SFI1: variants seen among roughly 807,000 people sequenced by gnomAD.
SFI1 encodes the protein SFI1 centrin binding protein.
In SFI1, 195 loss-of-function variants were observed where a neutral mutation model predicts 207.5. The ratio of observed to expected loss-of-function variants is 0.94; its 90% CI spans 0.84 to 1.06. The LOEUF (loss-of-function observed/expected upper bound fraction) is 1.06. SFI1 is among the 50% of genes least tolerant of loss of function. SFI1 has a pLI of 0.00. For synonymous variants in SFI1, 630 were observed against 598.9 expected (o/e 1.05, Z -0.76); for missense variants, 1,634 against 1,588.0 (o/e 1.03, Z -0.49).
In SFI1 at chr22:31,602,259, T is replaced by C. The variant is rs2068238651; in HGVS notation, c.1592T>C (p.Phe531Ser). 1 of 1,614,032 alleles carries C rather than the reference T, an allele frequency of 6.2e-7. No individual in the cohort carries two copies. Among genetic ancestry groups the C allele is most frequent in the Admixed American group, 1.7e-5 (1 of 60,002 alleles). Residue 531 changes from phenylalanine (F) to serine (S), a missense_variant, in exon 16 of 33, where the codon TTT (phenylalanine) becomes TCT (serine). Physicochemically the swap from Phe to Ser is radical, Grantham distance 155. Transcript: ENST00000400288. ...TTTTCTCTCTGGAGGCAGAAGATGT[T>C]TCAGCATCGAGAAAACCGCCTGGCA... ...QVFSLWRQKM[F>S]QHRENRLAER... is the part of the protein sequence containing the mutation.
intron 16 of SFI1, 149 bp from the exon 17 acceptor site, chr22:31,602,458 G>T: frequency 9.0e-7 from 1 of 1,116,958 alleles, no homozygotes; most frequent in South Asian, 1.4e-5. Context: ...TTTCTCAGTG[G>T]AGCCTACAGA....
intron 10 of SFI1, among the ~76,000 whole-genome samples, chr22:31,577,397 T>C (rs1453263660): frequency 6.6e-6 from 1 of 151,870 alleles, no homozygotes; most frequent in Non-Finnish European, 1.5e-5. Flanking sequence ...CCTCTGGAGG[T>C]TTTTTAACTT....
At chr22:31,595,265 G>A (rs2066934310) in intron 15 of SFI1, among the ~76,000 whole-genome samples, 1 of 152,168 alleles carries the variant, frequency 6.6e-6, no homozygotes, top group Admixed American at 6.5e-5. Context: ...CAAAGTGCTG[G>A]GATTACAGGC....
intron 9 of SFI1, among the ~76,000 whole-genome samples, chr22:31,574,360 C>CA (rs2063261370): frequency 6.6e-6 from 1 of 152,186 alleles, no homozygotes; most frequent in Non-Finnish European, 1.5e-5. Flanking sequence ...TGCCTGCCTC[C>CA]AATTACAGCA....
chr22:31,580,398 C>A (rs374342300), intron 12 of SFI1, 34 bp downstream of exon 12: 82 of 1,543,078 alleles, frequency 5.3e-5, no homozygotes, highest in Non-Finnish European at 6.6e-5. Flanking sequence ...GGGACCTCTT[C>A]TGAAGGCCAT....
intron 4 of SFI1, among the ~76,000 whole-genome samples, chr22:31,533,233 GT>G (rs1335339643): frequency 1.3e-5 from 2 of 152,096 alleles, no homozygotes; most frequent in Non-Finnish European, 2.9e-5. Context: ...TGAAGGTTAA[GT>G]TTTAGTGTTC....
At chr22:31,594,038 T>C (rs180828850) in intron 15 of SFI1, among the ~76,000 whole-genome samples, 31 of 148,016 alleles carry the variant, frequency 2.1e-4, no homozygotes, top group African/African-American at 8.0e-4. Context: ...GAGGTGTCCA[T>C]CTTTATTTCA....
chr22:31,606,587 G>A, intron 21 of SFI1, 157 bp downstream of exon 21: 1 of 574,268 alleles, frequency 1.7e-6, no homozygotes, highest in Non-Finnish European at 3.1e-6. Context: ...ATCCATGTGG[G>A]CACATGTTTA....
At position 31,604,391 on chromosome 22, in the gene SFI1, T is replaced by C. The variant is rs774435602; in HGVS notation, c.1964T>C (p.Leu655Pro). The C allele has an allele frequency of 2.2e-5, 34 of 1,547,804 alleles. No individual in the cohort carries two copies. The highest frequency in any genetic ancestry group is 2.8e-5 in the Non-Finnish European group (32 of 1,149,826). ...CAGCACAGCGTGCTGCACAGGGCGCTGCAGGCATGGGTGGTAGGAACTGCT... is the reference window on the plus strand; with the variant it reads ...CAGCACAGCGTGCTGCACAGGGCGCCGCAGGCATGGGTGGTAGGAACTGCT... ...HHQHSVLHRA[L>P]QAWVTYQGRV... The change falls in exon 19 of 33, where the codon CTG becomes CCG. Residue 655 changes from leucine to proline, a missense_variant. Coordinates refer to ENST00000400288, the MANE Select transcript of SFI1 (RefSeq NM_001007467.3).
chr22:31,604,546 G>A lies in SFI1; in HGVS notation c.1977+142G>A. On this transcript the variant is annotated intron_variant, in intron 19 of 32. Coordinates refer to ENST00000400288, the MANE Select transcript of SFI1 (RefSeq NM_001007467.3). ...TCAAACCAAGCAGGTGCCCCGGACAGCGGGCCTTAGGCCATAGGGTTCTTT... is the reference window on the plus strand; with the variant it reads ...TCAAACCAAGCAGGTGCCCCGGACAACGGGCCTTAGGCCATAGGGTTCTTT... 8 of 718,486 alleles carry A rather than the reference G, an allele frequency of 1.1e-5. 1 individual carries two copies. In the East Asian group the frequency reaches 2.3e-4, roughly 21 times the overall value. 44.5% of individuals were successfully genotyped at this position (718,486 alleles called of 1,614,324 possible). A position where few individuals can be genotyped will look rare whatever the true frequency, so the allele number is the denominator to read the frequency against.
intron 15 of SFI1, among the ~76,000 whole-genome samples, chr22:31,593,013 C>G (rs1227008421): frequency 8.8e-6 from 1 of 113,838 alleles, no homozygotes; most frequent in African/African-American, 3.9e-5. Flanking sequence ...TCCCGGACGG[C>G]ACGGCTGGCC....
intron 6 of SFI1, among the ~76,000 whole-genome samples, chr22:31,553,002 C>T (rs781669104): frequency 3.9e-5 from 6 of 152,114 alleles, no homozygotes; most frequent in Non-Finnish European, 8.8e-5. Flanking sequence ...TGCTACCACA[C>T]CTGGCTAACT....
In SFI1 at chr22:31,556,940, A is replaced by G. The variant is rs376612183; in HGVS notation, c.545-2A>G. On this transcript the variant is annotated splice_acceptor_variant, in intron 6 of 32. Coordinates refer to ENST00000400288, the MANE Select transcript of SFI1 (RefSeq NM_001007467.3). LOFTEE classifies it high-confidence loss of function. ...TTTGAAAAATCTCTTTGGTGAATCT[A>G]GATGCAAAGCAAAAGATGCGACAGG... 7 of 1,594,870 alleles carry G rather than the reference A, an allele frequency of 4.4e-6. No homozygotes were observed. Among genetic ancestry groups the G allele is most frequent in the Admixed American group, 3.5e-5 (2 of 57,186 alleles).
At chr22:31,592,978 CG>C (rs1328434512) in intron 15 of SFI1, among the ~76,000 whole-genome samples, 1 of 92,884 alleles carries the variant, frequency 1.1e-5, no homozygotes, top group Non-Finnish European at 2.2e-5. Context: ...GCTGGCCGGG[CG>C]GGGGGCTGAC....
chr22:31,546,776 C>A, intron 4 of SFI1, 85 bp from the exon 5 acceptor site: 1 of 955,808 alleles, frequency 1.0e-6, no homozygotes. Flanking sequence ...TGTACTTTTT[C>A]ATGAGACGGC....
intron 14 of SFI1, among the ~76,000 whole-genome samples, chr22:31,587,097 T>C (rs1206106026): frequency 6.6e-6 from 1 of 152,130 alleles, no homozygotes; most frequent in East Asian, 1.9e-4. Context: ...CAACCATGGA[T>C]AAAAAATATT....
intron 3 of SFI1, 131 bp from the exon 4 acceptor site, chr22:31,530,927 G>C: frequency 1.5e-6 from 1 of 675,494 alleles, no homozygotes; most frequent in Non-Finnish European, 2.6e-6. Flanking sequence ...AATTAGCTAT[G>C]ATACCGCCTT....
chr22:31,593,853 C>T (rs1308469842), intron 15 of SFI1, among the ~76,000 whole-genome samples: 2 of 148,058 alleles, frequency 1.4e-5, no homozygotes, highest in African/African-American at 2.5e-5. Flanking sequence ...GGCGTGGCGG[C>T]GCGTGCCTGC....
intron 15 of SFI1, among the ~76,000 whole-genome samples, chr22:31,596,232 T>A (rs2067089493): frequency 6.6e-6 from 1 of 151,716 alleles, no homozygotes; most frequent in Non-Finnish European, 1.5e-5. Context: ...CAGCCTTGGA[T>A]GACAGAGCGA....
Sources: allele counts gnomAD v4.1 joint callset (sites outside exome capture counted in the v4.1 genomes callset), GRCh38; gene constraint gnomAD v4.1.1; transcripts MANE v1.5; gene names NCBI Gene and HGNC (gene_info 2026-07-23, HGNC 2026-07-21).